The following ZNF804B variants were observed in gnomAD, a reference collection of about 807,000 sequenced individuals.
ZNF804B encodes the protein zinc finger protein 804B.
ZNF804B carries 80 observed loss-of-function variants against 101.4 expected under a neutral mutation model. The ratio of observed to expected loss-of-function variants is 0.79; its 90% CI spans 0.66 to 0.95. The LOEUF is 0.95. Among genes scored for constraint, ZNF804B ranks in the 40% least tolerant of loss-of-function variants. The pLI is 0.00. For synonymous variants in ZNF804B, 622 were observed against 558.8 expected (o/e 1.11, Z -1.59); for missense variants, 1,673 against 1,561.9 (o/e 1.07, Z -1.20).
chr7:88,861,203 T>C (rs1040608455), intron 1 of ZNF804B, among the ~76,000 whole-genome samples: 14 of 152,196 alleles, frequency 9.2e-5, no homozygotes, highest in African/African-American at 3.1e-4. Flanking sequence ...ATGAGAAGTA[T>C]TGTAATTTTT....
intron 1 of ZNF804B, among the ~76,000 whole-genome samples, chr7:89,201,454 AATATTACCTATTAGATAT>A (rs1398271878): frequency 5.3e-5 from 8 of 152,022 alleles, no homozygotes. Context: ...TGAGGGATGA[AATATTACCTATTAGATAT>A]ATTGTACACT....
chr7:88,815,633 C>T (rs757550694), intron 1 of ZNF804B, among the ~76,000 whole-genome samples: 2 of 152,120 alleles, frequency 1.3e-5, no homozygotes, highest in Non-Finnish European at 2.9e-5. Context: ...TCCTCCTTCA[C>T]CTTCTCAGGC....
At chr7:89,073,357 A>T (rs1489520485) in intron 1 of ZNF804B, among the ~76,000 whole-genome samples, 1 of 152,172 alleles carries the variant, frequency 6.6e-6, no homozygotes, top group East Asian at 1.9e-4. Flanking sequence ...AAGTGCACTG[A>T]GTGAACAAAA....
Position 89,208,506 on chromosome 7 carries a change from A to G in ZNF804B, c.109-9649A>G, listed in dbSNP as rs559297687. Among the ~76,000 whole-genome samples the G allele has an allele frequency of 2.6e-5, 4 of 152,254 alleles. No homozygotes were observed. The East Asian group carries it at 7.7e-4, about 29-fold the overall frequency. On this transcript the variant is annotated intron_variant, in intron 1 of 3. Coordinates refer to ENST00000333190, the MANE Select transcript of ZNF804B (RefSeq NM_181646.5). ...TTATATCTTCCCTCTTTTTCCTTCC[A>G]TTAGACAGATAAGCATGATTAAGCG...
intron 1 of ZNF804B, among the ~76,000 whole-genome samples, chr7:88,761,376 T>C (rs145427711): frequency 3.9e-5 from 6 of 152,270 alleles, no homozygotes; most frequent in African/African-American, 1.4e-4. Flanking sequence ...TACTTAACAA[T>C]TAAACTCACA....
chr7:88,765,646 A>G (rs1235190042), intron 1 of ZNF804B, among the ~76,000 whole-genome samples: 1 of 152,222 alleles, frequency 6.6e-6, no homozygotes, highest in East Asian at 1.9e-4. Context: ...AATTGAAATA[A>G]AAATGCTACT....
chr7:88,823,141 C>G (rs748456109), intron 1 of ZNF804B, among the ~76,000 whole-genome samples: 1 of 152,044 alleles, frequency 6.6e-6, no homozygotes, highest in Non-Finnish European at 1.5e-5. Flanking sequence ...ACCTGGGAGG[C>G]AGAGGTTGCA....
At chr7:89,236,624 T>C (rs1789285904) in intron 2 of ZNF804B, among the ~76,000 whole-genome samples, 1 of 152,100 alleles carries the variant, frequency 6.6e-6, no homozygotes, top group South Asian at 2.1e-4. Context: ...TACAAAGAGT[T>C]CAGAATCCCA....
intron 1 of ZNF804B, among the ~76,000 whole-genome samples, chr7:88,848,725 A>AG (rs1791410858): frequency 6.6e-6 from 1 of 151,988 alleles, no homozygotes; most frequent in Non-Finnish European, 1.5e-5. Context: ...AAAATGGGAA[A>AG]AAGTTTCGGG....
At chr7:89,245,344 T>C (rs1235132162) in intron 2 of ZNF804B, among the ~76,000 whole-genome samples, 2 of 152,016 alleles carry the variant, frequency 1.3e-5, no homozygotes, top group East Asian at 3.9e-4. Context: ...TTGAAGAAAT[T>C]TCACAGAATT....
chr7:89,109,829 C>G (rs1046804456), intron 1 of ZNF804B, among the ~76,000 whole-genome samples: 1 of 152,106 alleles, frequency 6.6e-6, no homozygotes, highest in African/African-American at 2.4e-5. Flanking sequence ...TTTTGTCACT[C>G]TACTCCTAAA....
chr7:89,261,433 A>G (rs994171697), intron 2 of ZNF804B, among the ~76,000 whole-genome samples: 3 of 152,042 alleles, frequency 2.0e-5, no homozygotes, highest in Non-Finnish European at 4.4e-5. Context: ...AGTCTCCCCA[A>G]ATGTTTCTTA....
intron 1 of ZNF804B, among the ~76,000 whole-genome samples, chr7:89,153,429 GATAATAATAATAATAATA>G (rs58654760): frequency 1.0e-4 from 15 of 145,536 alleles, no homozygotes; most frequent in African/African-American, 3.8e-4. Flanking sequence ...TGATGATGAT[GATAATAATAATAATAATA>G]ATAATAATAA....
In ZNF804B at chr7:89,232,394, A is replaced by G. The variant is rs975490082; in HGVS notation, c.249+14099A>G. ...GAGAAATATAGTTCACTTTCTTGAGATATGTGTGTGGCTCTGGTATCGAAT... is the reference window on the plus strand; with the variant it reads ...GAGAAATATAGTTCACTTTCTTGAGGTATGTGTGTGGCTCTGGTATCGAAT... On this transcript the variant is annotated intron_variant, in intron 2 of 3. Coordinates refer to ENST00000333190, the MANE Select transcript of ZNF804B (RefSeq NM_181646.5). Among the ~76,000 whole-genome samples the G allele has an allele frequency of 7.2e-5, 11 of 152,092 alleles. No homozygotes were observed. In the East Asian group the frequency reaches 2.1e-3, roughly 29 times the overall value.
intron 1 of ZNF804B, among the ~76,000 whole-genome samples, chr7:88,915,952 T>A (rs1446134123): frequency 6.6e-6 from 1 of 151,976 alleles, no homozygotes; most frequent in Non-Finnish European, 1.5e-5. Context: ...TTAATGAAAA[T>A]AATTCAAATG....
chr7:88,918,751 G>A (rs1023487893), intron 1 of ZNF804B, among the ~76,000 whole-genome samples: 1 of 152,034 alleles, frequency 6.6e-6, no homozygotes, highest in African/African-American at 2.4e-5. Flanking sequence ...GGTGTCCAAG[G>A]CCTAAGAGTG....
chr7:89,162,216 C>T (rs1791077020), intron 1 of ZNF804B, among the ~76,000 whole-genome samples: 1 of 152,088 alleles, frequency 6.6e-6, no homozygotes, highest in Non-Finnish European at 1.5e-5. Flanking sequence ...TCTCCCTAGC[C>T]CACTTTCTTT....
chr7:89,261,532 C>T (rs1789712611), intron 2 of ZNF804B, among the ~76,000 whole-genome samples: 2 of 152,216 alleles, frequency 1.3e-5, no homozygotes, highest in African/African-American at 2.4e-5. Context: ...TACAGTCATG[C>T]ATCTTTTTAA....
Position 89,229,620 on chromosome 7 carries a change from G to T in ZNF804B, c.249+11325G>T, listed in dbSNP as rs183135970. On this transcript the variant is annotated intron_variant, in intron 2 of 3. Transcript: ENST00000333190. ...AGATGAATCCACTATTTTACTTGGA[G>T]ATACCAATACCTGTTTGTCAGTAAC... 5.8e-3 allele frequency among the ~76,000 whole-genome samples: 885 copies of T among 152,292 alleles called. 3 individuals carry two copies. Among genetic ancestry groups the T allele is most frequent in the Non-Finnish European group, 9.7e-3 (660 of 68,034 alleles).
Sources: gnomAD v4.1 joint callset for allele counts (sites outside exome capture counted in the v4.1 genomes callset) on GRCh38, gnomAD v4.1.1 for gene constraint, MANE v1.5 for transcripts, NCBI Gene and HGNC (gene_info 2026-07-23, HGNC 2026-07-21) for gene names.